Variants in IFT43 observed in about 807,000 individuals in gnomAD.
The protein encoded by IFT43 is intraflagellar transport protein 43 homolog.
In IFT43, 33 loss-of-function variants were observed where a neutral mutation model predicts 32.3. The ratio of observed to expected loss-of-function variants is 1.02; its 90% CI spans 0.77 to 1.37. IFT43 has a LOEUF of 1.37. Ranked by LOEUF, IFT43 falls within the 40% of genes most tolerant of loss-of-function variation. The probability of loss-of-function intolerance (pLI) is 0.00; values close to 1 mark genes in which losing one functional copy is unlikely to be tolerated. For synonymous variants in IFT43, 93 were observed against 98.2 expected (o/e 0.95, Z 0.31); for missense variants, 274 against 265.9 (o/e 1.03, Z -0.21).
chr14:76,055,065 C>A (rs189456325), intron 3 of IFT43, among the ~76,000 whole-genome samples: 115 of 152,290 alleles, frequency 7.6e-4, no homozygotes, highest in African/African-American at 2.6e-3. Flanking sequence ...ACAGTCAGGG[C>A]TGAGCACAGT....
At chr14:76,061,967 A>G (rs1431152291) in intron 5 of IFT43, among the ~76,000 whole-genome samples, 1 of 152,054 alleles carries the variant, frequency 6.6e-6, no homozygotes, top group Non-Finnish European at 1.5e-5. Context: ...CTCAGCCTGT[A>G]CTAGCTCTTT....
At chr14:76,025,706 C>T (rs890312132) in intron 3 of IFT43, among the ~76,000 whole-genome samples, 1 of 152,122 alleles carries the variant, frequency 6.6e-6, no homozygotes, top group Admixed American at 6.5e-5. Flanking sequence ...GGGAAGGATT[C>T]CTTATTCAAT....
chr14:76,058,554 T>G, intron 3 of IFT43, 88 bp from the exon 4 acceptor site: 1 of 1,531,226 alleles, frequency 6.5e-7, no homozygotes, highest in Non-Finnish European at 9.0e-7. Context: ...CTAATTTGCC[T>G]CCACTTTTGA....
intron 7 of IFT43, 85 bp downstream of exon 7, chr14:76,082,777 A>G (rs1198859401): frequency 1.9e-6 from 2 of 1,027,574 alleles, no homozygotes; most frequent in Non-Finnish European, 1.5e-6. Flanking sequence ...CTCCCAAGCT[A>G]TACAGCGCCT....
At chr14:76,070,949 AT>A (rs1000434475) in intron 5 of IFT43, among the ~76,000 whole-genome samples, 3 of 151,976 alleles carry the variant, frequency 2.0e-5, no homozygotes, top group African/African-American at 7.3e-5. Flanking sequence ...AGTTTCAAGT[AT>A]TTTTTTTATA....
At chr14:75,992,648 C>T (rs918831507) in intron 2 of IFT43, among the ~76,000 whole-genome samples, 1 of 152,224 alleles carries the variant, frequency 6.6e-6, no homozygotes, top group Non-Finnish European at 1.5e-5. Flanking sequence ...CGGGCTCAAG[C>T]GATCCTCCAG....
intron 2 of IFT43, among the ~76,000 whole-genome samples, chr14:75,999,243 A>AATATTCATTTATATATAAATTCATTT (rs56810996): frequency 0.028 from 703 of 24,840 alleles, 2 homozygotes; most frequent in Non-Finnish European, 0.033. Context: ...ATATATATAT[A>AATATTCATTTATATATAAATTCATTT]TATATATATA....
At chr14:76,004,595 A>G (rs2035948377) in intron 2 of IFT43, among the ~76,000 whole-genome samples, 1 of 152,158 alleles carries the variant, frequency 6.6e-6, no homozygotes. Context: ...GTCTTAGGCG[A>G]TTACTTCTTC....
chr14:76,083,354 G>T lies in IFT43; in HGVS notation c.507+65G>T. 4 of 1,610,456 alleles carry T rather than the reference G, an allele frequency of 2.5e-6. 1 individual carries two copies. The South Asian group carries it at 4.4e-5, about 18-fold the overall frequency. ...GCATTCCCATAACCAGCCGACTCCC[G>T]GGCTGGCCTGTGCCTCCCTGAGGCC... On this transcript the variant is annotated intron_variant, in intron 8 of 8. Coordinates refer to ENST00000314067, the MANE Select transcript of IFT43 (RefSeq NM_001102564.3).
chr14:76,082,184 C>A, intron 5 of IFT43, 111 bp from the exon 6 acceptor site: 1 of 973,500 alleles, frequency 1.0e-6, no homozygotes, highest in African/African-American at 1.6e-5. Flanking sequence ...CTTCCTGCCC[C>A]AGCCCACAGC....
intron 5 of IFT43, among the ~76,000 whole-genome samples, chr14:76,062,777 C>G (rs536210659): frequency 2.8e-4 from 43 of 151,744 alleles, no homozygotes; most frequent in African/African-American, 1.0e-3. Context: ...ATTAGCTGGG[C>G]CTGGTGGCGG....
intron 1 of IFT43, among the ~76,000 whole-genome samples, chr14:75,987,967 C>A (rs954884021): frequency 1.3e-5 from 2 of 152,154 alleles, no homozygotes; most frequent in South Asian, 2.1e-4. Flanking sequence ...TTTCCAAAAG[C>A]CTGTTTGATA....
In IFT43 at chr14:76,079,591, CT is replaced by C. The variant is rs2037471694; in HGVS notation, c.296-2703del. On this transcript the variant is annotated intron_variant, in intron 5 of 8. Transcript: ENST00000314067. ...GCAAGGAGTTCTACATGGCATGCCCCTGACCTCATTGCAGCTGTTCATGTTC... is the reference window on the plus strand; with the variant it reads ...GCAAGGAGTTCTACATGGCATGCCCCGACCTCATTGCAGCTGTTCATGTTC... Among the ~76,000 whole-genome samples the C allele has an allele frequency of 2.6e-5, 4 of 152,122 alleles. No homozygotes were observed. The South Asian group carries it at 8.3e-4, about 32-fold the overall frequency.
At chr14:76,060,410 G>T (rs1213052339) in intron 5 of IFT43, among the ~76,000 whole-genome samples, 1 of 151,906 alleles carries the variant, frequency 6.6e-6, no homozygotes, top group African/African-American at 2.4e-5. Flanking sequence ...GTAGAGATGG[G>T]GTTTCACCAT....
intron 5 of IFT43, among the ~76,000 whole-genome samples, chr14:76,067,580 A>C (rs1005136396): frequency 1.6e-4 from 14 of 86,446 alleles, no homozygotes; most frequent in Admixed American, 8.7e-4. Flanking sequence ...AGACTCTCTC[A>C]AAAAAAAAAA....
At chr14:76,053,177 TA>T (rs2036947556) in intron 3 of IFT43, among the ~76,000 whole-genome samples, 1 of 152,198 alleles carries the variant, frequency 6.6e-6, no homozygotes, top group Admixed American at 6.5e-5. Context: ...AATTGTATAA[TA>T]GTATTATAAA....
chr14:75,994,743 A>C (rs2035711225), intron 2 of IFT43, among the ~76,000 whole-genome samples: 1 of 152,218 alleles, frequency 6.6e-6, no homozygotes, highest in Non-Finnish European at 1.5e-5. Flanking sequence ...GAGTGTCTAC[A>C]TGTCTGTGAT....
intron 2 of IFT43, among the ~76,000 whole-genome samples, chr14:75,999,277 A>ATTTT (rs2035835306): frequency 1.1e-4 from 2 of 18,712 alleles, no homozygotes; most frequent in East Asian, 1.9e-3. Context: ...ATATATGTAT[A>ATTTT]TATATTTTTT....
At chr14:76,019,083 T>A (rs1404726916) in intron 2 of IFT43, among the ~76,000 whole-genome samples, 1 of 152,136 alleles carries the variant, frequency 6.6e-6, no homozygotes, top group Non-Finnish European at 1.5e-5. Flanking sequence ...CCTTTTTTCC[T>A]TACTTCCTCT....
Sources: allele counts gnomAD v4.1 joint callset (sites outside exome capture counted in the v4.1 genomes callset), GRCh38; gene constraint gnomAD v4.1.1; transcripts MANE v1.5; gene names NCBI Gene and HGNC (gene_info 2026-07-23, HGNC 2026-07-21).